The following HCRTR2 variants were observed in gnomAD, a reference collection of about 807,000 sequenced individuals.
HCRTR2 encodes hypocretin receptor 2, also known as orexin receptor type 2.
In HCRTR2, 22 loss-of-function variants were observed where a neutral mutation model predicts 49.0. That is an observed-to-expected ratio of 0.45 (90% CI 0.32 to 0.64). The LOEUF (loss-of-function observed/expected upper bound fraction) is 0.64, where lower values mean the gene tolerates loss of function less well. Among genes scored for constraint, HCRTR2 ranks in the 30% least tolerant of loss-of-function variants. The probability of loss-of-function intolerance (pLI) is 0.04; values close to 1 mark genes in which losing one functional copy is unlikely to be tolerated. For synonymous variants in HCRTR2, 236 were observed against 205.3 expected (o/e 1.15, Z -1.28); for missense variants, 491 against 559.4 (o/e 0.88, Z 1.23).
At chr6:55,215,850 T>A (rs1273003335) in intron 1 of HCRTR2, among the ~76,000 whole-genome samples, 9 of 152,212 alleles carry the variant, frequency 5.9e-5, no homozygotes. Flanking sequence ...AAAGTGTGTC[T>A]CAGTCCATTT....
At chr6:55,111,176 A>G (rs1266300696) in intron 1 of HCRTR2, among the ~76,000 whole-genome samples, 1 of 152,002 alleles carries the variant, frequency 6.6e-6, no homozygotes, top group Non-Finnish European at 1.5e-5. Flanking sequence ...AAATGGTGCT[A>G]AGATGAAAGT....
At chr6:55,237,278 T>C (rs1002207649) in intron 1 of HCRTR2, among the ~76,000 whole-genome samples, 4 of 152,198 alleles carry the variant, frequency 2.6e-5, no homozygotes, top group Admixed American at 6.5e-5. Context: ...TATTATCTTC[T>C]TTCACAGAGA....
chr6:55,171,209 G>C (rs1764945329), upstream of HCRTR2, among the ~76,000 whole-genome samples: 1 of 152,140 alleles, frequency 6.6e-6, no homozygotes, highest in Non-Finnish European at 1.5e-5. Flanking sequence ...CAGTGCAAAA[G>C]TGTTCCTATT....
At chr6:55,190,274 T>C (rs145156925) in intron 1 of HCRTR2, among the ~76,000 whole-genome samples, 1 of 152,326 alleles carries the variant, frequency 6.6e-6, no homozygotes, top group East Asian at 1.9e-4. Context: ...AGTATATATT[T>C]TGACAACTGA....
At position 55,174,744 on chromosome 6, in the gene HCRTR2, T is replaced by C; in HGVS notation, c.157T>C (p.Tyr53His). The change falls in exon 1 of 7, where the codon TAT becomes CAT. Residue 53 changes from tyrosine to histidine, a missense_variant. By Grantham distance (83) the Tyr-to-His change is moderately conservative. Coordinates refer to ENST00000370862, the MANE Select transcript of HCRTR2 (RefSeq NM_001384272.1). ...LWREYLHPKEYEWVLIAGYII... is the reference protein window; with the variant it reads ...LWREYLHPKEHEWVLIAGYII... ...GAGGGAATACCTGCACCCGAAAGAATATGAGTGGGTCCTGATCGCCGGGTA... is the reference window on the plus strand; with the variant it reads ...GAGGGAATACCTGCACCCGAAAGAACATGAGTGGGTCCTGATCGCCGGGTA... 6.2e-7 allele frequency: 1 copy of C among 1,613,986 alleles called. No individual in the cohort carries two copies. The highest frequency in any genetic ancestry group is 2.2e-5 in the East Asian group (1 of 44,840).
At chr6:55,226,628 T>C (rs183023359) in intron 1 of HCRTR2, among the ~76,000 whole-genome samples, 12 of 151,926 alleles carry the variant, frequency 7.9e-5, no homozygotes, top group Non-Finnish European at 1.0e-4. Flanking sequence ...AATTTTATCT[T>C]AGGGGACAGG....
intron 1 of HCRTR2, among the ~76,000 whole-genome samples, chr6:55,153,346 C>T (rs1448497097): frequency 6.6e-6 from 1 of 151,982 alleles, no homozygotes; most frequent in African/African-American, 2.4e-5. Context: ...TTACTACACA[C>T]CTAGGCTATA....
downstream of HCRTR2, among the ~76,000 whole-genome samples, chr6:55,284,678 AAC>A (rs1767253259): frequency 6.6e-6 from 1 of 152,174 alleles, no homozygotes; most frequent in East Asian, 1.9e-4. Flanking sequence ...TTAAAAAAAA[AAC>A]AGTTTACAAA....
intron 1 of HCRTR2, among the ~76,000 whole-genome samples, chr6:55,136,642 G>T (rs1055818556): frequency 6.6e-6 from 1 of 152,080 alleles, no homozygotes; most frequent in Non-Finnish European, 1.5e-5. Flanking sequence ...TCAAATTTAG[G>T]TGACTTACCC....
intron 1 of HCRTR2, among the ~76,000 whole-genome samples, chr6:55,193,377 A>G (rs1490980713): frequency 2.0e-5 from 3 of 152,146 alleles, no homozygotes; most frequent in Non-Finnish European, 4.4e-5. Flanking sequence ...GAGCATTAAG[A>G]AAGTGAATGA....
intron 4 of HCRTR2, among the ~76,000 whole-genome samples, chr6:55,275,944 T>C (rs78993337): frequency 0.017 from 2,229 of 128,264 alleles, 52 homozygotes; most frequent in African/African-American, 0.061. Context: ...CACTAAAATT[T>C]AATTGATCTA....
intron 1 of HCRTR2, among the ~76,000 whole-genome samples, chr6:55,120,511 T>G (rs1184011435): frequency 6.6e-6 from 1 of 151,804 alleles, no homozygotes; most frequent in Non-Finnish European, 1.5e-5. Flanking sequence ...TTATTCTCTT[T>G]GTAGCAGTCG....
intron 1 of HCRTR2, among the ~76,000 whole-genome samples, chr6:55,153,870 A>G (rs1764695429): frequency 6.6e-6 from 1 of 151,818 alleles, no homozygotes; most frequent in African/African-American, 2.4e-5. Flanking sequence ...TTTTTTGAAA[A>G]GACAAACAAA....
chr6:55,109,057 A>G (rs1489017672), intron 1 of HCRTR2, among the ~76,000 whole-genome samples: 1 of 152,084 alleles, frequency 6.6e-6, no homozygotes, highest in Non-Finnish European at 1.5e-5. Context: ...GGACCTGAAG[A>G]TTGATCATAT....
chr6:55,228,048 G>A (rs1449839148), intron 1 of HCRTR2, among the ~76,000 whole-genome samples: 1 of 152,032 alleles, frequency 6.6e-6, no homozygotes, highest in Non-Finnish European at 1.5e-5. Context: ...TGAGGGAGGA[G>A]TCAATTAAGA....
At chr6:55,211,056 C>G (rs1581832162) in intron 1 of HCRTR2, among the ~76,000 whole-genome samples, 1 of 152,166 alleles carries the variant, frequency 6.6e-6, no homozygotes. Context: ...CTACAGTGTT[C>G]AGTACAGTTA....
intron 1 of HCRTR2, among the ~76,000 whole-genome samples, chr6:55,202,091 A>G (rs1765522265): frequency 6.6e-6 from 1 of 152,214 alleles, no homozygotes; most frequent in Admixed American, 6.5e-5. Context: ...GAGCTTATAG[A>G]TTCTGAGATT....
chr6:55,204,423 C>A (rs1765564938), intron 1 of HCRTR2, among the ~76,000 whole-genome samples: 1 of 152,090 alleles, frequency 6.6e-6, no homozygotes, highest in African/African-American at 2.4e-5. Context: ...GTATCACTTC[C>A]AAAATAAATT....
At chr6:55,221,536 G>A (rs111773392) in intron 1 of HCRTR2, among the ~76,000 whole-genome samples, 7,922 of 152,212 alleles carry the variant, frequency 0.052, 309 homozygotes, top group African/African-American at 0.11. Flanking sequence ...GATCTGGGCC[G>A]GGCGTGGTGG....
Sources: allele counts gnomAD v4.1 joint callset (sites outside exome capture counted in the v4.1 genomes callset), GRCh38; gene constraint gnomAD v4.1.1; transcripts MANE v1.5; gene names NCBI Gene and HGNC (gene_info 2026-07-23, HGNC 2026-07-21).